CRB1: variants seen among roughly 807,000 people sequenced by gnomAD.
CRB1 encodes the protein crumbs cell polarity complex component 1, also known as protein crumbs homolog 1.
A neutral mutation model predicts 120.0 loss-of-function variants in CRB1; 83 were observed. The observed-to-expected ratio is 0.69, with a 90% CI of 0.58 to 0.83. CRB1 has a LOEUF of 0.83. CRB1 is among the 40% of genes least tolerant of loss of function. The pLI, the probability that CRB1 is intolerant of heterozygous loss-of-function variation, is 0.00. For missense variants in CRB1, 1,699 were observed against 1,687.6 expected (o/e 1.01, Z -0.12); for synonymous variants, 625 against 612.5 (o/e 1.02, Z -0.30).
At chr1:197,249,755 C>A in the CRB1 span, among the ~76,000 whole-genome samples, 3 of 151,850 alleles carry the variant, frequency 2.0e-5, no homozygotes, top group Non-Finnish European at 2.9e-5. Flanking sequence ...AAAATTAGGA[C>A]CTAAATTCTG....
At chr1:197,302,921 T>C (rs1229735143) in intron 1 of CRB1, among the ~76,000 whole-genome samples, 3 of 152,166 alleles carry the variant, frequency 2.0e-5, no homozygotes. Flanking sequence ...TTCTCTTTAA[T>C]AGTTCCAGAT....
At position 197,328,648 on chromosome 1, in the gene CRB1, T is replaced by G; in HGVS notation, c.297T>G (p.Pro99=). 6.2e-7 allele frequency: 1 copy of G among 1,614,172 alleles called. No individual in the cohort carries two copies. Among genetic ancestry groups the G allele is most frequent in the Non-Finnish European group, 8.5e-7 (1 of 1,179,982 alleles). Reference sequence around the variant, plus strand: ...AAAGGAGCTTTCTGTGCAAATGTCCTCCTGGGTACAGTGGGACAATCTGTG... The same window carrying G: ...AAAGGAGCTTTCTGTGCAAATGTCCGCCTGGGTACAGTGGGACAATCTGTG... The part of the protein sequence containing the change: ...PGERSFLCKC[P]PGYSGTICET... Residue 99 remains proline (P), a synonymous_variant, in exon 2 of 12, where the codon CCT becomes CCG. Coordinates refer to ENST00000367400, the MANE Select transcript of CRB1 (RefSeq NM_201253.3).
chr1:197,351,062 C>T (rs1272411001), intron 4 of CRB1, among the ~76,000 whole-genome samples: 1 of 151,690 alleles, frequency 6.6e-6, no homozygotes, highest in Non-Finnish European at 1.5e-5. Flanking sequence ...GCATGTCTGG[C>T]TGGGCGCCTT....
At chr1:197,365,474 C>A (rs1332079113) in intron 5 of CRB1, among the ~76,000 whole-genome samples, 4 of 152,018 alleles carry the variant, frequency 2.6e-5, no homozygotes, top group African/African-American at 9.7e-5. Context: ...TTTGCCATGG[C>A]CCCCTTGCCT....
At chr1:197,294,660 T>A (rs1361141911) in intron 1 of CRB1, among the ~76,000 whole-genome samples, 1 of 152,136 alleles carries the variant, frequency 6.6e-6, no homozygotes, top group Non-Finnish European at 1.5e-5. Context: ...CCAACCCAAA[T>A]GTCCATCAAT....
chr1:197,344,565 T>C, intron 3 of CRB1, 89 bp downstream of exon 3: 1 of 1,289,770 alleles, frequency 7.8e-7, no homozygotes, highest in Non-Finnish European at 1.1e-6. Context: ...GCTCTCACGT[T>C]CTCGGCTTAA....
In CRB1 at chr1:197,324,448, T is replaced by C. The variant is rs372714971; in HGVS notation, c.71-3974T>C. ...TAATGTTTTTTAAAAAACTACTTTA[T>C]GCTTGATTGTTATAAGGAACTTTAT... On this transcript the variant is annotated intron_variant, in intron 1 of 11. Transcript: ENST00000367400. 7.2e-5 allele frequency among the ~76,000 whole-genome samples: 11 copies of C among 152,332 alleles called. No individual in the cohort carries two copies. The East Asian group carries it at 1.7e-3, about 24-fold the overall frequency.
rs552221321 is a variant in CRB1 at position 197,468,599 on chromosome 1, G to A, written c.4006-9065G>A. On this transcript the variant is annotated intron_variant, in intron 11 of 11. Transcript: ENST00000367400. ...ATAATTGATCAGCCACTTGGGCAAAGCACTGCATTTTATATTATTGGGAAG... is the reference window on the plus strand; with the variant it reads ...ATAATTGATCAGCCACTTGGGCAAAACACTGCATTTTATATTATTGGGAAG... 6.5e-4 allele frequency among the ~76,000 whole-genome samples: 99 copies of A among 152,236 alleles called. 1 individual carries two copies. The highest frequency in any genetic ancestry group is 6.5e-4 in the Admixed American group (10 of 15,292).
chr1:197,207,250 T>A, the CRB1 span, among the ~76,000 whole-genome samples: 1 of 152,158 alleles, frequency 6.6e-6, no homozygotes, highest in African/African-American at 2.4e-5. Context: ...ATTCTATTCA[T>A]TGTGCTATTT....
intron 5 of CRB1, among the ~76,000 whole-genome samples, chr1:197,386,888 A>G (rs905805116): frequency 1.3e-5 from 2 of 152,146 alleles, no homozygotes; most frequent in Non-Finnish European, 2.9e-5. Flanking sequence ...TTTTATAGTT[A>G]TTATAAAAAG....
intron 11 of CRB1, among the ~76,000 whole-genome samples, chr1:197,452,507 G>A (rs1165791831): frequency 6.6e-6 from 1 of 152,194 alleles, no homozygotes; most frequent in Admixed American, 6.5e-5. Context: ...ATGAAAGCAT[G>A]TATGAGATGA....
At chr1:197,331,645 A>G (rs1259546054) in intron 2 of CRB1, among the ~76,000 whole-genome samples, 1 of 152,208 alleles carries the variant, frequency 6.6e-6, no homozygotes, top group Non-Finnish European at 1.5e-5. Flanking sequence ...CAGTTCATTA[A>G]GATAGTGTCT....
chr1:197,317,763 T>C lies in CRB1; in HGVS notation c.71-10659T>C, dbSNP rs1043286157. Among the ~76,000 whole-genome samples, 5 of 152,122 alleles carry C rather than the reference T, an allele frequency of 3.3e-5. No individual in the cohort carries two copies. In the East Asian group the frequency reaches 9.6e-4, roughly 29 times the overall value. On this transcript the variant is annotated intron_variant, in intron 1 of 11. Transcript: ENST00000367400. The stretch of plus-strand genomic sequence containing the variant: ...AATGGGGAAAGGACAGCCTTTTCAA[T>C]AAATGGTACTGGGTAAACTGCATAT...
chr1:197,236,365 A>G, the CRB1 span, among the ~76,000 whole-genome samples: 2 of 151,760 alleles, frequency 1.3e-5, no homozygotes, highest in Non-Finnish European at 2.9e-5. Context: ...ATGCTCAGCT[A>G]ATTTTTTGTA....
At chr1:197,261,620 TATTC>T in the CRB1 span, among the ~76,000 whole-genome samples, 147 of 152,346 alleles carry the variant, frequency 9.6e-4, 2 homozygotes, top group East Asian at 0.025. Flanking sequence ...TATAAAACGA[TATTC>T]ATTAACAAAT....
intron 5 of CRB1, among the ~76,000 whole-genome samples, chr1:197,399,230 A>G (rs1257681708): frequency 2.0e-5 from 3 of 151,920 alleles, no homozygotes; most frequent in South Asian, 4.2e-4. Context: ...CATTTATAAC[A>G]CTCTAATGAA....
intron 1 of CRB1, among the ~76,000 whole-genome samples, chr1:197,287,572 C>T (rs1381390456): frequency 6.6e-6 from 1 of 151,750 alleles, no homozygotes; most frequent in Non-Finnish European, 1.5e-5. Context: ...CCCACAGCAG[C>T]ATGGAGGCTC....
chr1:197,453,124 AG>A (rs1050990349), intron 11 of CRB1, among the ~76,000 whole-genome samples: 3 of 151,990 alleles, frequency 2.0e-5, no homozygotes, highest in African/African-American at 7.2e-5. Context: ...CAATTATAGA[AG>A]GACAAATATT....
intron 1 of CRB1, among the ~76,000 whole-genome samples, chr1:197,290,265 CGTGTGTGTGTGTGTGTGT>C (rs10540136): frequency 3.7e-5 from 5 of 136,896 alleles, no homozygotes; most frequent in African/African-American, 8.3e-5. Flanking sequence ...TGTTCCCTTT[CGTGTGTGTGTGTGTGTGT>C]GTGTGTGTGT....
Sources: gnomAD v4.1 joint callset for allele counts (sites outside exome capture counted in the v4.1 genomes callset) on GRCh38, gnomAD v4.1.1 for gene constraint, MANE v1.5 for transcripts, NCBI Gene and HGNC (gene_info 2026-07-23, HGNC 2026-07-21) for gene names.